Variants in GNAI1 observed in about 807,000 individuals in gnomAD.
GNAI1 encodes G protein subunit alpha i1.
In GNAI1, 11 loss-of-function variants were observed where a neutral mutation model predicts 38.9. The observed-to-expected ratio is 0.28, with a 90% CI of 0.18 to 0.47. The LOEUF (loss-of-function observed/expected upper bound fraction) is 0.47, where lower values mean the gene tolerates loss of function less well. Among genes scored for constraint, GNAI1 ranks in the 20% least tolerant of loss-of-function variants. The pLI, the probability that GNAI1 is intolerant of heterozygous loss-of-function variation, is 0.99. For missense variants in GNAI1, 317 were observed against 436.9 expected (o/e 0.73, Z 2.45); for synonymous variants, 166 against 145.1 (o/e 1.14, Z -1.04).
At chr7:80,177,252 G>A (rs922462496) in intron 1 of GNAI1, among the ~76,000 whole-genome samples, 3 of 151,744 alleles carry the variant, frequency 2.0e-5, no homozygotes, top group Admixed American at 6.6e-5. Context: ...GGATGGTCTT[G>A]ATCTCCTCAC....
chr7:80,161,163 G>T (rs924527601), intron 1 of GNAI1, among the ~76,000 whole-genome samples: 1 of 152,168 alleles, frequency 6.6e-6, no homozygotes, highest in African/African-American at 2.4e-5. Context: ...AGTGTTCCAA[G>T]GATATGGTTT....
At chr7:80,137,754 C>T (rs1562819748) in intron 1 of GNAI1, among the ~76,000 whole-genome samples, 1 of 152,154 alleles carries the variant, frequency 6.6e-6, no homozygotes. Context: ...TACCTCTCTC[C>T]TCTCTGGAAA....
intron 7 of GNAI1, 98 bp downstream of exon 7, chr7:80,212,967 T>C: frequency 2.5e-6 from 2 of 802,340 alleles, no homozygotes; most frequent in Non-Finnish European, 2.0e-6. Context: ...ATCTCTTGGC[T>C]TAGTGATTCT....
intron 1 of GNAI1, among the ~76,000 whole-genome samples, chr7:80,179,024 A>G (rs904358854): frequency 1.1e-4 from 17 of 152,210 alleles, no homozygotes; most frequent in African/African-American, 3.6e-4. Flanking sequence ...AGTATATTAA[A>G]TGCAGGAATA....
chr7:80,137,626 C>T (rs533256781), intron 1 of GNAI1, among the ~76,000 whole-genome samples: 3 of 152,152 alleles, frequency 2.0e-5, no homozygotes, highest in Non-Finnish European at 4.4e-5. Context: ...GGCCAGAATT[C>T]TTATTTCTCT....
intron 1 of GNAI1, among the ~76,000 whole-genome samples, chr7:80,153,110 A>G (rs996199790): frequency 2.0e-5 from 3 of 152,180 alleles, no homozygotes; most frequent in Non-Finnish European, 2.9e-5. Flanking sequence ...TAAATTTATG[A>G]TAATGTGTCA....
intron 3 of GNAI1, among the ~76,000 whole-genome samples, chr7:80,198,230 G>T (rs1346850562): frequency 6.6e-6 from 1 of 151,650 alleles, no homozygotes; most frequent in Non-Finnish European, 1.5e-5. Flanking sequence ...ACCAGATGTT[G>T]TAATACGTAT....
At chr7:80,155,300 GT>G (rs892897610) in intron 1 of GNAI1, among the ~76,000 whole-genome samples, 6 of 151,964 alleles carry the variant, frequency 3.9e-5, no homozygotes, top group Non-Finnish European at 8.8e-5. Context: ...ACATTGAATT[GT>G]TTTTTTCTTA....
intron 4 of GNAI1, among the ~76,000 whole-genome samples, chr7:80,201,321 A>T (rs1162275237): frequency 6.6e-6 from 1 of 152,200 alleles, no homozygotes; most frequent in Non-Finnish European, 1.5e-5. Flanking sequence ...CTTGGGAATG[A>T]CAGATTGAAG....
intron 1 of GNAI1, among the ~76,000 whole-genome samples, chr7:80,155,209 C>G (rs746156164): frequency 5.9e-5 from 9 of 152,090 alleles, no homozygotes; most frequent in Non-Finnish European, 1.2e-4. Context: ...TTATAATCTC[C>G]TTACATGAAG....
intron 5 of GNAI1, among the ~76,000 whole-genome samples, chr7:80,210,525 G>A (rs73380507): frequency 0.08 from 12,139 of 152,136 alleles, 498 homozygotes; most frequent in Non-Finnish European, 0.088. Context: ...TTAGTAGGAG[G>A]AGGGGTCTCT....
At chr7:80,182,859 C>G (rs1229758954) in intron 1 of GNAI1, among the ~76,000 whole-genome samples, 2 of 152,136 alleles carry the variant, frequency 1.3e-5, no homozygotes, top group African/African-American at 4.8e-5. Flanking sequence ...TCACACATAG[C>G]TTACCCTACC....
chr7:80,189,260 C>A (rs1383504997), intron 3 of GNAI1, 29 bp downstream of exon 3: 1 of 1,595,454 alleles, frequency 6.3e-7, no homozygotes, highest in Non-Finnish European at 8.6e-7. Flanking sequence ...TGGAGCTGAC[C>A]TGATGGGTAA....
chr7:80,144,558 C>A (rs1562821974), intron 1 of GNAI1, among the ~76,000 whole-genome samples: 1 of 152,124 alleles, frequency 6.6e-6, no homozygotes, highest in Admixed American at 6.5e-5. Context: ...GTATGAAACT[C>A]CTCCTGTTAC....
chr7:80,201,447 G>A (rs966543590), intron 4 of GNAI1, among the ~76,000 whole-genome samples: 11 of 152,178 alleles, frequency 7.2e-5, no homozygotes, highest in Non-Finnish European at 1.5e-5. Context: ...CCGGGCATTG[G>A]TGGCTCATGC....
At chr7:80,167,236 GAA>G (rs968644480) in intron 1 of GNAI1, among the ~76,000 whole-genome samples, 8 of 152,218 alleles carry the variant, frequency 5.3e-5, no homozygotes, top group African/African-American at 9.6e-5. Flanking sequence ...ATGCATGGAA[GAA>G]AGACAAGAAA....
chr7:80,206,174 A>G (rs754087288), intron 5 of GNAI1, among the ~76,000 whole-genome samples: 1 of 152,046 alleles, frequency 6.6e-6, no homozygotes, highest in African/African-American at 2.4e-5. Context: ...ATGTAATTGA[A>G]TTTACAGAAA....
At chr7:80,156,434 C>CT (rs796237047) in intron 1 of GNAI1, among the ~76,000 whole-genome samples, 233 of 144,568 alleles carry the variant, frequency 1.6e-3, no homozygotes, top group African/African-American at 4.0e-3. Context: ...TAAAGGAAAG[C>CT]TTTTTTTTTT....
At chr7:80,193,509 A>G (rs1307796480) in intron 3 of GNAI1, among the ~76,000 whole-genome samples, 1 of 152,216 alleles carries the variant, frequency 6.6e-6, no homozygotes, top group African/African-American at 2.4e-5. Flanking sequence ...AGGATAGTCC[A>G]TCTGCGAGTG....
Sources: gnomAD v4.1 joint callset for allele counts (sites outside exome capture counted in the v4.1 genomes callset) on GRCh38, gnomAD v4.1.1 for gene constraint, MANE v1.5 for transcripts, NCBI Gene and HGNC (gene_info 2026-07-23, HGNC 2026-07-21) for gene names.